MYO15A: variants seen among roughly 807,000 people sequenced by gnomAD.
MYO15A encodes myosin XVA.
Under a neutral mutation model 394.6 loss-of-function variants are expected in MYO15A, and 308 were observed. The ratio of observed to expected loss-of-function variants is 0.78; its 90% confidence interval spans 0.71 to 0.86. MYO15A has a LOEUF of 0.86. MYO15A is among the 40% of genes least tolerant of loss of function. The pLI is 0.00. For synonymous variants in MYO15A, 1,957 were observed against 2,003.8 expected (o/e 0.98, Z 0.62); for missense variants, 4,606 against 4,799.1 (o/e 0.96, Z 1.19).
chr17:18,173,637 G>T (rs2046972886), intron 64 of MYO15A, 144 bp from the exon 65 acceptor site: 2 of 1,086,260 alleles, frequency 1.8e-6, no homozygotes, highest in South Asian at 1.3e-5. Flanking sequence ...ATTTGCTCAA[G>T]GTCACGCAAG....
At chr17:18,144,245 A>G (rs1227744731) in intron 28 of MYO15A, among the ~76,000 whole-genome samples, 1 of 152,166 alleles carries the variant, frequency 6.6e-6, no homozygotes, top group East Asian at 1.9e-4. Flanking sequence ...AAATTGAACA[A>G]CTGGTGGAGC....
At position 18,157,027 on chromosome 17, in the gene MYO15A, A is replaced by C. The variant is rs771892636; in HGVS notation, c.8675A>C (p.Asp2892Ala). 6.2e-7 allele frequency: 1 copy of C among 1,614,130 alleles called. No individual in the cohort carries two copies. Among genetic ancestry groups the C allele is most frequent in the Non-Finnish European group, 8.5e-7 (1 of 1,180,022 alleles). The change falls in exon 49 of 66, where the codon GAC becomes GCC. Residue 2892 changes from aspartate (D) to alanine (A), a missense_variant. Physicochemically the swap from Asp to Ala is moderately radical, Grantham distance 126. Around this residue, in one of 2 missense-constraint regions of MYO15A, gnomAD observed 2,776 missense variants for 3,109.3 expected, o/e 0.89. Coordinates refer to ENST00000647165, the MANE Select transcript of MYO15A (RefSeq NM_016239.4). ...GCGCTGCTGGCTTTCCACAAGGGTG[A>C]CATCATACACCTGCAGCCCCTAGAG... is the stretch of plus-strand genomic sequence containing the variant. ...DPALLAFHKG[D>A]IIHLQPLEPP...
At chr17:18,111,735 A>T (rs1218826334) in intron 1 of MYO15A, among the ~76,000 whole-genome samples, 1 of 152,250 alleles carries the variant, frequency 6.6e-6, no homozygotes, top group African/African-American at 2.4e-5. Context: ...GACAGGCAGC[A>T]GCCTGTAGCA....
In MYO15A at chr17:18,159,379, G is replaced by C. The variant is rs373554977; in HGVS notation, c.9229+32G>C. On this transcript the variant is annotated intron_variant, in intron 54 of 65. Coordinates refer to ENST00000647165, the MANE Select transcript of MYO15A (RefSeq NM_016239.4). The stretch of plus-strand genomic sequence containing the variant: ...GAGTGGGACTGCAGCCAGGGCTCTG[G>C]GCTAGGTGGGATCCAGCACTGTGTG... 687 of 1,611,642 alleles carry C rather than the reference G, an allele frequency of 4.3e-4. 2 individuals are homozygous for C. Among genetic ancestry groups the C allele is most frequent in the Middle Eastern group, 2.6e-3 (16 of 6,060 alleles).
Position 18,140,841 on chromosome 17 carries a change from G to C in MYO15A, c.5406+9G>C. 1.9e-6 allele frequency: 3 copies of C among 1,614,068 alleles called. No individual in the cohort carries two copies. Among genetic ancestry groups the C allele is most frequent in the Non-Finnish European group, 2.5e-6 (3 of 1,180,046 alleles). On this transcript the variant is annotated intron_variant, in intron 21 of 65. Transcript: ENST00000647165. ...AGCCCAACCACAAGAAGGTGAGTGA[G>C]AGCTGAGGCCTCTGAGAGAGCCAAA...
intron 47 of MYO15A, 149 bp downstream of exon 47, chr17:18,155,581 G>C: frequency 1.3e-6 from 1 of 780,288 alleles, no homozygotes; most frequent in Non-Finnish European, 2.1e-6. Context: ...TTAGAGCTGG[G>C]GAAACTGAGG....
At position 18,126,850 on chromosome 17, in the gene MYO15A, A is replaced by T. The variant is rs777366131; in HGVS notation, c.3926A>T (p.Gln1309Leu). ...FAKMLDAKQN[Q>L]CIIISGESGS... The stretch of plus-strand genomic sequence containing the variant: ...AAAATGCTCGATGCCAAACAGAACC[A>T]GTGCATAATCATTAGGTGAGTGGGC... Residue 1309 changes from glutamine (Q) to leucine (L), a missense_variant, in exon 6 of 66, where the codon CAG (glutamine) becomes CTG (leucine). Transcript: ENST00000647165. The T allele has an allele frequency of 6.2e-7, 1 of 1,613,926 alleles. No individual in the cohort carries two copies. Among genetic ancestry groups the T allele is most frequent in the East Asian group, 2.2e-5 (1 of 44,834 alleles).
At position 18,148,918 on chromosome 17, in the gene MYO15A, G is replaced by A; in HGVS notation, c.6922G>A (p.Glu2308Lys). 5 of 1,605,280 alleles carry A rather than the reference G, an allele frequency of 3.1e-6. No homozygotes were observed. Among genetic ancestry groups the A allele is most frequent in the Non-Finnish European group, 4.3e-6 (5 of 1,176,014 alleles). Residue 2308 changes from glutamate to lysine, a missense_variant, in exon 33 of 66, where the codon GAG (glutamate) becomes AAG (lysine). Physicochemically the swap from Glu to Lys is moderately conservative, Grantham distance 56 (BLOSUM62 1). Coordinates refer to ENST00000647165, the MANE Select transcript of MYO15A (RefSeq NM_016239.4). This position sits in a 1 kb window ranked among gnomAD's most constrained non-coding sequence, Gnocchi z 4.8. ...RQKSYFIVGT[E>K]GPAASRGGPK... The stretch of plus-strand genomic sequence containing the variant: ...GAAGTCCTACTTCATTGTGGGCACA[G>A]AGGGGCCTGCAGCCAGCAGGGGAGG...
chr17:18,131,087 C>T (rs2046153389), intron 8 of MYO15A, 152 bp from the exon 9 acceptor site: 1 of 746,372 alleles, frequency 1.3e-6, no homozygotes. Context: ...GGAGAGACCT[C>T]AGGATTCTCT....
chr17:18,154,792 C>T, intron 45 of MYO15A, 37 bp downstream of exon 45: 1 of 1,602,156 alleles, frequency 6.2e-7, no homozygotes, highest in Non-Finnish European at 8.5e-7. Context: ...GATGGGGCAA[C>T]CAGTCAGAGG....
rs1185823734 is a variant in MYO15A, at chr17:18,142,137, A to G, written c.5708A>G (p.Asn1903Ser). 6.2e-7 allele frequency: 1 copy of G among 1,613,884 alleles called. No individual in the cohort carries two copies. The highest frequency in any genetic ancestry group is 8.5e-7 in the Non-Finnish European group (1 of 1,180,022). ...LLESMREHVL[N>S]LAALTLQRCL... ...GAGAGTATGCGAGAGCATGTCCTGA[A>G]TCTGGCAGCCCTCACTCTGCAGCGC... is the stretch of plus-strand genomic sequence containing the variant. Residue 1903 changes from asparagine to serine, a missense_variant, in exon 24 of 66, where the codon AAT becomes AGT. Coordinates refer to ENST00000647165, the MANE Select transcript of MYO15A (RefSeq NM_016239.4).
intron 64 of MYO15A, 140 bp downstream of exon 64, chr17:18,172,430 C>A: frequency 7.9e-7 from 1 of 1,270,490 alleles, no homozygotes. Context: ...AGTCTCTTCC[C>A]TCCTCTGAGC....
chr17:18,116,125 A>C (rs116775329), intron 1 of MYO15A, among the ~76,000 whole-genome samples: 211 of 152,190 alleles, frequency 1.4e-3, no homozygotes, highest in African/African-American at 4.8e-3. Context: ...CTGGCTCAGG[A>C]CCCTTAGGGA....
chr17:18,126,249 C>T, intron 4 of MYO15A, 98 bp from the exon 5 acceptor site: 2 of 1,016,026 alleles, frequency 2.0e-6, no homozygotes, highest in Non-Finnish European at 3.1e-6. Context: ...AGATATCTGT[C>T]CGGATGGAAA....
chr17:18,155,018 T>G (rs2046650678), intron 45 of MYO15A, 92 bp from the exon 46 acceptor site: 4 of 1,233,012 alleles, frequency 3.2e-6, no homozygotes, highest in Non-Finnish European at 2.3e-6. Context: ...ACCTTCTTGC[T>G]GGGTATCAGC....
chr17:18,157,309 GT>G (rs2046693861), intron 50 of MYO15A, 79 bp downstream of exon 50: 1 of 1,537,636 alleles, frequency 6.5e-7, no homozygotes, highest in African/African-American at 1.4e-5. Flanking sequence ...CACAGTGAGG[GT>G]TTCTTGGTGC....
At position 18,150,993 on chromosome 17, in the gene MYO15A, C is replaced by G; in HGVS notation, c.7473+80C>G. On this transcript the variant is annotated intron_variant, in intron 38 of 65. Coordinates refer to ENST00000647165, the MANE Select transcript of MYO15A (RefSeq NM_016239.4). The surrounding 1 kb of genome is among the most constrained non-coding windows in gnomAD (Gnocchi z 4.4). ...AGGAATGCTGTGCTGCTCCAGGGCACTATTGTGCCTCTTTGAGCCCAGGAG... is the reference window on the plus strand; with the variant it reads ...AGGAATGCTGTGCTGCTCCAGGGCAGTATTGTGCCTCTTTGAGCCCAGGAG... 1 of 1,606,852 alleles carries G rather than the reference C, an allele frequency of 6.2e-7. No homozygotes were observed. The highest frequency in any genetic ancestry group is 1.1e-5 in the South Asian group (1 of 91,036).
At position 18,151,618 on chromosome 17, in the gene MYO15A, T is replaced by G. The variant is rs998732228; in HGVS notation, c.7787+91T>G. 3 of 1,532,336 alleles carry G rather than the reference T, an allele frequency of 2.0e-6. No individual in the cohort carries two copies. In the African/African-American group the frequency reaches 4.1e-5, roughly 21 times the overall value. The allele number at this position is 1,532,336 out of a possible 1,614,324, so 94.9% of individuals were successfully genotyped here. On this transcript the variant is annotated intron_variant, in intron 40 of 65. Transcript: ENST00000647165. ...ACCAGCTTACTGGGTTGAAGCGCCC[T>G]GCCCAGCTCCTGTTAGGGAGGGAGT... is the stretch of plus-strand genomic sequence containing the variant.
chr17:18,133,151 A>G, intron 11 of MYO15A, 74 bp from the exon 12 acceptor site: 1 of 1,505,980 alleles, frequency 6.6e-7, no homozygotes, highest in African/African-American at 1.4e-5. Flanking sequence ...ACTACTGGTC[A>G]GGGCAGAGCA....
Sources: gnomAD v4.1 joint callset for allele counts (sites outside exome capture counted in the v4.1 genomes callset) on GRCh38, gnomAD v4.1.1 for gene constraint, gnomAD v4.1.1 regional missense constraint, Gnocchi (gnomAD v3.1) non-coding constraint, MANE v1.5 for transcripts, NCBI Gene and HGNC (gene_info 2026-07-23, HGNC 2026-07-21) for gene names.